The following MAP4K5 variants were observed in gnomAD, a reference collection of about 807,000 sequenced individuals.
The protein encoded by MAP4K5 is MAPK/ERK kinase kinase kinase 5.
Under a neutral mutation model 135.6 loss-of-function variants are expected in MAP4K5, and 82 were observed. That is an observed-to-expected ratio of 0.60 (90% confidence interval 0.51 to 0.73). The LOEUF (loss-of-function observed/expected upper bound fraction) is 0.73, where lower values mean the gene tolerates loss of function less well. MAP4K5 is among the 30% of genes least tolerant of loss of function. MAP4K5 has a pLI of 0.00. For missense variants in MAP4K5, 907 were observed against 1,010.9 expected (o/e 0.90, Z 1.39); for synonymous variants, 347 against 335.0 (o/e 1.04, Z -0.39).
At chr14:50,445,320 G>GT in intron 17 of MAP4K5, 126 bp from the exon 18 acceptor site, 1 of 711,026 alleles carries the variant, frequency 1.4e-6, no homozygotes, top group East Asian at 2.9e-5. Context: ...AGTGAGCAAA[G>GT]TAAGAGGTGA....
intron 1 of MAP4K5, among the ~76,000 whole-genome samples, chr14:50,554,018 G>A (rs1258631002): frequency 1.3e-5 from 2 of 152,036 alleles, no homozygotes; most frequent in Non-Finnish European, 2.9e-5. Flanking sequence ...TCCAGTGACA[G>A]GTGCAGCAGA....
chr14:50,536,950 T>C (rs2038500663), upstream of MAP4K5, among the ~76,000 whole-genome samples: 1 of 152,254 alleles, frequency 6.6e-6, no homozygotes, highest in Non-Finnish European at 1.5e-5. Flanking sequence ...AAAATCCCAT[T>C]TTCTGAGGAA....
At position 50,482,363 on chromosome 14, in the gene MAP4K5, G is replaced by T. The variant is rs774533414; in HGVS notation, c.376C>A (p.Gln126Lys). 8 of 1,503,074 alleles carry T rather than the reference G, an allele frequency of 5.3e-6. No individual in the cohort carries two copies. The highest frequency in any genetic ancestry group is 6.2e-6 in the Non-Finnish European group (7 of 1,126,450). 93.1% of individuals were successfully genotyped at this position (1,503,074 alleles called of 1,614,324 possible). ...ACTATATTAAGAAAATATAGTACCT[G>T]TAAGGTTTCTCTGCATACATAGGCT... ...QIAYVCRETL[Q>K]GLAYLHTKGK... The change falls in exon 6 of 33, where the codon CAG becomes AAG. Residue 126 changes from glutamine to lysine, a missense_variant and splice_region_variant. By Grantham distance (53) the Gln-to-Lys change is moderately conservative. This residue lies in a region of MAP4K5 where 196 missense variants were observed against 189.3 expected (regional missense o/e 1.04). Transcript: ENST00000682126.
intron 15 of MAP4K5, among the ~76,000 whole-genome samples, chr14:50,447,953 T>C (rs961130035): frequency 6.6e-6 from 1 of 152,188 alleles, no homozygotes; most frequent in Non-Finnish European, 1.5e-5. Context: ...ATGAACTCAA[T>C]AGGCTAGGTT....
At chr14:50,424,466 T>A (rs572594239) in intron 31 of MAP4K5, among the ~76,000 whole-genome samples, 19 of 152,166 alleles carry the variant, frequency 1.2e-4, no homozygotes, top group Non-Finnish European at 2.5e-4. Flanking sequence ...TCCCGGCACT[T>A]TGGGAGGCCA....
chr14:50,421,388 A>C (rs1382521790), intron 32 of MAP4K5, among the ~76,000 whole-genome samples: 8 of 151,836 alleles, frequency 5.3e-5, no homozygotes, highest in African/African-American at 1.7e-4. Context: ...CCTCCCGAGT[A>C]GCTGGGATTA....
At chr14:50,443,907 A>G (rs1169515659) in intron 19 of MAP4K5, 32 bp downstream of exon 19, 2 of 1,528,286 alleles carry the variant, frequency 1.3e-6, no homozygotes, top group South Asian at 2.3e-5. Flanking sequence ...AGTATTATTT[A>G]CAACTAATTG....
At chr14:50,505,169 G>T in intron 2 of MAP4K5, 1 of 215,216 alleles carries the variant, frequency 4.6e-6, no homozygotes, top group Non-Finnish European at 9.0e-6. Flanking sequence ...AAATCTCATG[G>T]GTTTTATTTA....
chr14:50,466,833 G>C (rs747039244), intron 10 of MAP4K5, among the ~76,000 whole-genome samples, 188 bp from the exon 11 acceptor site: 3 of 152,080 alleles, frequency 2.0e-5, no homozygotes, highest in Non-Finnish European at 4.4e-5. Context: ...TGACTACAGA[G>C]AAGATTTTTA....
intron 2 of MAP4K5, among the ~76,000 whole-genome samples, chr14:50,510,182 A>C (rs533133098): frequency 6.6e-6 from 1 of 152,338 alleles, no homozygotes; most frequent in African/African-American, 2.4e-5. Context: ...CTCGGTTACC[A>C]ATTATTAAAC....
upstream of MAP4K5, among the ~76,000 whole-genome samples, chr14:50,533,704 G>T (rs2038453807): frequency 6.6e-6 from 1 of 152,116 alleles, no homozygotes; most frequent in Admixed American, 6.5e-5. Context: ...TGGAGATGTT[G>T]GCTTGTGGCT....
intron 26 of MAP4K5, among the ~76,000 whole-genome samples, chr14:50,436,989 T>G (rs1276275516): frequency 6.6e-6 from 1 of 151,356 alleles, no homozygotes; most frequent in African/African-American, 2.4e-5. Flanking sequence ...TAATCGTAAC[T>G]ATGAGTATAA....
intron 3 of MAP4K5, among the ~76,000 whole-genome samples, chr14:50,487,752 G>A (rs1256563825): frequency 2.0e-5 from 3 of 152,144 alleles, no homozygotes; most frequent in Admixed American, 2.0e-4. Flanking sequence ...GGTGACAGTA[G>A]AAAGTCTGCC....
rs555471338 is a variant in MAP4K5 at position 50,488,178 on chromosome 14, TGA to T, written c.167-1986_167-1985del. On this transcript the variant is annotated intron_variant, in intron 3 of 32. Coordinates refer to ENST00000682126, the MANE Select transcript of MAP4K5 (RefSeq NM_006575.6). ...CAGGCAAGTCTGACACTGTGGCAGG[TGA>T]GAGAGTGTGTGTGTTACAGGAACTG... Among the ~76,000 whole-genome samples the T allele has an allele frequency of 2.2e-4, 33 of 152,006 alleles. No homozygotes were observed. The South Asian group carries it at 6.5e-3, about 30-fold the overall frequency.
At chr14:50,434,871 C>T (rs778689289) in intron 27 of MAP4K5, 91 bp downstream of exon 27, 104 of 725,508 alleles carry the variant, frequency 1.4e-4, no homozygotes, top group Middle Eastern at 3.8e-4. Flanking sequence ...TGTTCTGACC[C>T]TAGATAGTAG....
At chr14:50,420,344 A>G (rs560219662) in intron 32 of MAP4K5, among the ~76,000 whole-genome samples, 2 of 152,246 alleles carry the variant, frequency 1.3e-5, no homozygotes, top group Admixed American at 6.5e-5. Context: ...CAACTAAAAA[A>G]TCTGGGCTAG....
At chr14:50,541,642 C>T (rs984714399) in intron 2 of MAP4K5, among the ~76,000 whole-genome samples, 2 of 152,122 alleles carry the variant, frequency 1.3e-5, no homozygotes, top group African/African-American at 2.4e-5. Context: ...ATTCAGCAGA[C>T]CCAATGGTAA....
At chr14:50,520,904 C>A (rs989279139) in intron 2 of MAP4K5, among the ~76,000 whole-genome samples, 2 of 151,034 alleles carry the variant, frequency 1.3e-5, no homozygotes, top group African/African-American at 4.9e-5. Context: ...CCCACCGCAA[C>A]CTCCACCTCC....
chr14:50,434,847 C>T (rs1023804739), intron 27 of MAP4K5, 115 bp downstream of exon 27: 8 of 666,616 alleles, frequency 1.2e-5, no homozygotes, highest in African/African-American at 7.3e-5. Flanking sequence ...TAAACAACTA[C>T]AAATAACTAT....
Sources: allele counts gnomAD v4.1 joint callset (sites outside exome capture counted in the v4.1 genomes callset), GRCh38; gene constraint gnomAD v4.1.1; regional missense constraint gnomAD v4.1.1; transcripts MANE v1.5; gene names NCBI Gene and HGNC (gene_info 2026-07-23, HGNC 2026-07-21).